NAV3: variants seen among roughly 807,000 people sequenced by gnomAD.
NAV3 encodes the protein neuron navigator 3.
A neutral mutation model predicts 244.7 loss-of-function variants in NAV3; 87 were observed. The ratio of observed to expected loss-of-function variants is 0.36; its 90% CI spans 0.30 to 0.42. NAV3 has a LOEUF of 0.42. Among genes scored for constraint, NAV3 ranks in the 20% least tolerant of loss-of-function variants. The probability of loss-of-function intolerance (pLI) is 1.00; values close to 1 mark genes in which losing one functional copy is unlikely to be tolerated. For synonymous variants in NAV3, 1,126 were observed against 1,042.2 expected, an observed-to-expected ratio of 1.08 and a Z score of -1.55; for missense variants, 2,663 against 2,893.3, an observed-to-expected ratio of 0.92 and a Z score of 1.83.
intron 5 of NAV3, among the ~76,000 whole-genome samples, chr12:77,971,119 G>A (rs1892964248): frequency 6.6e-6 from 1 of 151,954 alleles, no homozygotes; most frequent in Admixed American, 6.6e-5. Flanking sequence ...AAACTATGGG[G>A]TAGTTTAAAA....
intron 2 of NAV3, among the ~76,000 whole-genome samples, chr12:77,648,893 T>C (rs545162363): frequency 2.5e-4 from 38 of 152,238 alleles, no homozygotes; most frequent in African/African-American, 8.9e-4. Context: ...ATGTATTGTT[T>C]CTGACATAAT....
At chr12:78,188,380 A>C (rs766189271) in intron 32 of NAV3, 37 bp downstream of exon 32, 1 of 1,503,036 alleles carries the variant, frequency 6.7e-7, no homozygotes. Flanking sequence ...TACTTTTCAA[A>C]TATGTTTCTC....
At chr12:77,800,740 G>A (rs1871661400) in intron 2 of NAV3, among the ~76,000 whole-genome samples, 1 of 152,076 alleles carries the variant, frequency 6.6e-6, no homozygotes, top group African/African-American at 2.4e-5. Flanking sequence ...TTAGTAGGGG[G>A]ATTATTTTTA....
intron 18 of NAV3, among the ~76,000 whole-genome samples, chr12:78,133,966 G>A (rs191165445): frequency 5.9e-5 from 9 of 152,284 alleles, no homozygotes; most frequent in African/African-American, 2.2e-4. Context: ...ATAACCTGGT[G>A]AGACTCATTG....
At position 77,978,360 on chromosome 12, in the gene NAV3, T is replaced by C. The variant is rs549866962; in HGVS notation, c.671+9658T>C. On this transcript the variant is annotated intron_variant, in intron 5 of 39. Transcript: ENST00000397909. ...ATTTAAAATTTTATAACAGGACATTTTGACGGCCTAGTTAGATATTTTCTA... is the reference window on the plus strand; with the variant it reads ...ATTTAAAATTTTATAACAGGACATTCTGACGGCCTAGTTAGATATTTTCTA... Among the ~76,000 whole-genome samples the C allele has an allele frequency of 2.0e-5, 3 of 152,276 alleles. No homozygotes were observed. In the East Asian group the frequency reaches 5.8e-4, roughly 29 times the overall value.
chr12:77,654,329 C>G (rs1011456988), intron 2 of NAV3, among the ~76,000 whole-genome samples: 1 of 152,298 alleles, frequency 6.6e-6, no homozygotes, highest in South Asian at 2.1e-4. Context: ...GAGGGTCCTA[C>G]GCCTACGGAG....
At chr12:77,754,527 A>G (rs1010605212) in intron 2 of NAV3, among the ~76,000 whole-genome samples, 4 of 152,110 alleles carry the variant, frequency 2.6e-5, no homozygotes, top group African/African-American at 4.8e-5. Flanking sequence ...ATAGTTCTCT[A>G]TTTCTGTATA....
intron 2 of NAV3, among the ~76,000 whole-genome samples, chr12:77,759,269 G>A (rs147063117): frequency 1.4e-4 from 22 of 152,302 alleles, no homozygotes; most frequent in African/African-American, 5.3e-4. Flanking sequence ...TACTAGAACT[G>A]TAGTAGTTGC....
At chr12:77,639,190 A>C (rs1872285087) in intron 2 of NAV3, among the ~76,000 whole-genome samples, 1 of 152,136 alleles carries the variant, frequency 6.6e-6, no homozygotes, top group South Asian at 2.1e-4. Flanking sequence ...AACAGATTTA[A>C]AAAAATTTTT....
intron 1 of NAV3, among the ~76,000 whole-genome samples, chr12:77,906,575 TC>T (rs1336904362): frequency 6.6e-6 from 1 of 152,068 alleles, no homozygotes; most frequent in Non-Finnish European, 1.5e-5. Flanking sequence ...GGAAATAATG[TC>T]CAGGTATTTT....
chr12:78,171,854 G>A (rs1958013863), intron 24 of NAV3, among the ~76,000 whole-genome samples: 1 of 151,434 alleles, frequency 6.6e-6, no homozygotes, highest in Admixed American at 6.6e-5. Context: ...CAGTTTTATA[G>A]ACAGGCCTGA....
intron 2 of NAV3, among the ~76,000 whole-genome samples, chr12:77,616,093 T>A (rs1034576591): frequency 6.6e-6 from 1 of 152,172 alleles, no homozygotes; most frequent in Non-Finnish European, 1.5e-5. Context: ...TGCCTCAAAC[T>A]ATATCGTATT....
intron 7 of NAV3, among the ~76,000 whole-genome samples, chr12:78,004,136 T>C (rs983185888): frequency 1.3e-5 from 2 of 152,242 alleles, no homozygotes; most frequent in African/African-American, 4.8e-5. Context: ...TTTTGCCATA[T>C]GTATGATTGA....
rs1488911795 is a variant in NAV3, at chr12:78,059,714, A to G, written c.2636+599A>G. ...TTCAGGTAACATAGTTGCAAATGTT[A>G]ATATCTATAAAAGCAGAATTATAAA... On this transcript the variant is annotated intron_variant, in intron 12 of 39. Coordinates refer to ENST00000397909, the MANE Select transcript of NAV3 (RefSeq NM_001024383.2). Among the ~76,000 whole-genome samples, 4 of 152,142 alleles carry G rather than the reference A, an allele frequency of 2.6e-5. No individual in the cohort carries two copies. In the East Asian group the frequency reaches 7.7e-4, roughly 29 times the overall value.
At chr12:77,619,282 T>C (rs1354919623) in intron 2 of NAV3, among the ~76,000 whole-genome samples, 13 of 152,190 alleles carry the variant, frequency 8.5e-5, no homozygotes, top group Admixed American at 7.2e-4. Context: ...TCCTGAAATA[T>C]TTAAAAAATA....
At chr12:78,008,200 T>G (rs1874577895) in intron 8 of NAV3, among the ~76,000 whole-genome samples, 1 of 152,196 alleles carries the variant, frequency 6.6e-6, no homozygotes, top group Non-Finnish European at 1.5e-5. Context: ...TATTACTTAT[T>G]TGGGTTGTAT....
Position 78,210,854 on chromosome 12 carries a change from A to G in NAV3, c.*337A>G, listed in dbSNP as rs963512820. On this transcript the variant is annotated 3_prime_UTR_variant, in exon 40 of 40. Coordinates refer to ENST00000397909, the MANE Select transcript of NAV3 (RefSeq NM_001024383.2). ...TTCTTTGTTTCCTCTTTAAAAGTTT[A>G]CAATGCAGACCATTTTTTGTCCCTT... The G allele has an allele frequency of 1.6e-5, 4 of 255,884 alleles. No individual in the cohort carries two copies. Among genetic ancestry groups the G allele is most frequent in the Non-Finnish European group, 3.0e-5 (4 of 132,988 alleles). The allele number at this position is 255,884 out of a possible 1,614,324, so 15.9% of individuals were successfully genotyped here.
chr12:78,058,184 G>C (rs1883795320), intron 11 of NAV3, among the ~76,000 whole-genome samples: 1 of 151,968 alleles, frequency 6.6e-6, no homozygotes, highest in East Asian at 1.9e-4. Flanking sequence ...CTATTAGTGT[G>C]TTCTCACTCT....
chr12:77,698,507 A>T (rs1210684168), intron 2 of NAV3, among the ~76,000 whole-genome samples: 1 of 152,130 alleles, frequency 6.6e-6, no homozygotes, highest in African/African-American at 2.4e-5. Flanking sequence ...GGTCCAGTGG[A>T]TCTCTAACCA....
Sources: allele counts gnomAD v4.1 joint callset (sites outside exome capture counted in the v4.1 genomes callset), GRCh38; gene constraint gnomAD v4.1.1; transcripts MANE v1.5; gene names NCBI Gene and HGNC (gene_info 2026-07-23, HGNC 2026-07-21).